Variants in ABTB3 observed in about 807,000 individuals in gnomAD.
ABTB3 encodes the protein ankyrin repeat and BTB domain containing 3.
the ABTB3 span, among the ~76,000 whole-genome samples, chr12:107,553,518 G>A: frequency 6.6e-6 from 1 of 152,172 alleles, no homozygotes; most frequent in African/African-American, 2.4e-5. Context: ...ACCACCGGGG[G>A]AGGAAGGTGA....
the ABTB3 span, among the ~76,000 whole-genome samples, chr12:107,349,507 A>G: frequency 6.6e-6 from 1 of 152,184 alleles, no homozygotes; most frequent in African/African-American, 2.4e-5. Flanking sequence ...AGAGGTTCAA[A>G]TTCAGCTCTG....
chr12:107,472,409 C>G, the ABTB3 span, among the ~76,000 whole-genome samples: 1 of 152,180 alleles, frequency 6.6e-6, no homozygotes, highest in East Asian at 1.9e-4. Flanking sequence ...AGACAAAGCT[C>G]AACAAGCTAT....
At chr12:107,418,037 T>A in the ABTB3 span, among the ~76,000 whole-genome samples, 3,877 of 152,326 alleles carry the variant, frequency 0.025, 132 homozygotes, top group African/African-American at 0.081. Context: ...TGAGTGTCAA[T>A]TTGATTGGAT....
chr12:107,478,108 C>G, the ABTB3 span, among the ~76,000 whole-genome samples: 1 of 152,180 alleles, frequency 6.6e-6, no homozygotes, highest in Non-Finnish European at 1.5e-5. Context: ...CAGCATAGGC[C>G]TTCCTCAACA....
At chr12:107,438,520 C>A in the ABTB3 span, among the ~76,000 whole-genome samples, 1 of 152,214 alleles carries the variant, frequency 6.6e-6, no homozygotes, top group Non-Finnish European at 1.5e-5. Context: ...CTGTGTGCTG[C>A]AGCCTCAGGA....
chr12:107,443,491 A>C, the ABTB3 span, among the ~76,000 whole-genome samples: 2 of 152,056 alleles, frequency 1.3e-5, no homozygotes, highest in Non-Finnish European at 2.9e-5. Flanking sequence ...GAGTGTTCCA[A>C]GCAGAGAGAA....
At chr12:107,589,165 A>T in the ABTB3 span, among the ~76,000 whole-genome samples, 1 of 152,284 alleles carries the variant, frequency 6.6e-6, no homozygotes, top group African/African-American at 2.4e-5. Flanking sequence ...TACTTGTGTC[A>T]TAGTAAATGC....
the ABTB3 span, among the ~76,000 whole-genome samples, chr12:107,566,057 A>G: frequency 6.6e-6 from 1 of 152,202 alleles, no homozygotes; most frequent in Non-Finnish European, 1.5e-5. Context: ...ACTGCGAAGT[A>G]AATTGCGTGT....
chr12:107,504,870 C>G, the ABTB3 span, among the ~76,000 whole-genome samples: 1 of 152,208 alleles, frequency 6.6e-6, no homozygotes, highest in Non-Finnish European at 1.5e-5. Flanking sequence ...CTTCCAGCCC[C>G]CTTTGATTTC....
chr12:107,332,459 A>G, the ABTB3 span, among the ~76,000 whole-genome samples: 2 of 152,062 alleles, frequency 1.3e-5, no homozygotes, highest in Non-Finnish European at 2.9e-5. Flanking sequence ...AAAGTCCTAC[A>G]GTTAGTAAGA....
chr12:107,652,648 C>T, the ABTB3 span, among the ~76,000 whole-genome samples: 21 of 152,260 alleles, frequency 1.4e-4, no homozygotes, highest in South Asian at 6.2e-4. Context: ...AGTAGCCCCT[C>T]AGGGAGCCCA....
chr12:107,505,238 A>T, the ABTB3 span, among the ~76,000 whole-genome samples: 1 of 152,198 alleles, frequency 6.6e-6, no homozygotes, highest in Non-Finnish European at 1.5e-5. Context: ...CAGAATTAAA[A>T]TTAATCTGGG....
the ABTB3 span, among the ~76,000 whole-genome samples, chr12:107,399,750 A>G: frequency 1.3e-5 from 2 of 152,208 alleles, no homozygotes; most frequent in African/African-American, 2.4e-5. Flanking sequence ...TACATGTGCT[A>G]TGATGGTTTG....
the ABTB3 span, among the ~76,000 whole-genome samples, chr12:107,499,934 C>T: frequency 6.6e-6 from 1 of 152,112 alleles, no homozygotes; most frequent in East Asian, 1.9e-4. Flanking sequence ...GATCTACCTG[C>T]CTTGTCCTCC....
chr12:107,321,856 T>G, the ABTB3 span, among the ~76,000 whole-genome samples: 1 of 152,164 alleles, frequency 6.6e-6, no homozygotes, highest in Non-Finnish European at 1.5e-5. Context: ...GACTCCCAGC[T>G]CCTTACCCAC....
At chr12:107,578,904 G>C in the ABTB3 span, among the ~76,000 whole-genome samples, 1 of 152,214 alleles carries the variant, frequency 6.6e-6, no homozygotes, top group Non-Finnish European at 1.5e-5. Context: ...CTTAGTCTGT[G>C]TCATGAGCAA....
chr12:107,326,815 T>C, the ABTB3 span, among the ~76,000 whole-genome samples: 3 of 152,188 alleles, frequency 2.0e-5, no homozygotes, highest in African/African-American at 4.8e-5. Flanking sequence ...TCATGGAAGG[T>C]ACATACACAG....
the ABTB3 span, among the ~76,000 whole-genome samples, chr12:107,645,638 C>T: frequency 1.3e-5 from 2 of 152,198 alleles, no homozygotes; most frequent in Non-Finnish European, 2.9e-5. Context: ...TCCCCCAGTG[C>T]TCATGAAGGG....
At chr12:107,571,410 CTG>C in the ABTB3 span, among the ~76,000 whole-genome samples, 1 of 152,240 alleles carries the variant, frequency 6.6e-6, no homozygotes, top group Non-Finnish European at 1.5e-5. Context: ...CTTTGTAAGG[CTG>C]TGTGCTGCCT....
Sources: allele counts gnomAD v4.1 joint callset (sites outside exome capture counted in the v4.1 genomes callset), GRCh38; gene constraint gnomAD v4.1.1; transcripts MANE v1.5; gene names NCBI Gene and HGNC (gene_info 2026-07-23, HGNC 2026-07-21).